The following ATP2B2 variants were observed in gnomAD, a reference collection of about 807,000 sequenced individuals.
The protein encoded by ATP2B2 is ATPase plasma membrane Ca2+ transporting 2.
A neutral mutation model predicts 120.0 loss-of-function variants in ATP2B2; 15 were observed. The observed-to-expected ratio is 0.12, with a 90% CI of 0.08 to 0.19. ATP2B2 has a LOEUF of 0.19. ATP2B2 is among the 10% of genes least tolerant of loss of function. The probability of loss-of-function intolerance (pLI) is 1.00; values close to 1 mark genes in which losing one functional copy is unlikely to be tolerated. For missense variants in ATP2B2, 1,045 were observed against 1,719.8 expected (o/e 0.61, Z 6.94); for synonymous variants, 694 against 700.3 (o/e 0.99, Z 0.14).
At chr3:10,482,933 C>T (rs1433748177) in intron 1 of ATP2B2, among the ~76,000 whole-genome samples, 2 of 152,222 alleles carry the variant, frequency 1.3e-5, no homozygotes, top group African/African-American at 2.4e-5. Flanking sequence ...AATGCTTCCT[C>T]CCACTGGACC....
At chr3:10,696,279 C>T (rs146611977) in intron 1 of ATP2B2, among the ~76,000 whole-genome samples, 32 of 152,278 alleles carry the variant, frequency 2.1e-4, no homozygotes, top group East Asian at 1.4e-3. Context: ...ACATGTTCTC[C>T]GGCATAATTG....
intron 1 of ATP2B2, among the ~76,000 whole-genome samples, chr3:10,646,041 C>T (rs1472654035): frequency 1.3e-5 from 2 of 152,168 alleles, no homozygotes; most frequent in Non-Finnish European, 2.9e-5. Context: ...CTATCACAGG[C>T]GACCTGAGAG....
chr3:10,485,302 T>C (rs2065599108), intron 1 of ATP2B2, among the ~76,000 whole-genome samples: 1 of 152,230 alleles, frequency 6.6e-6, no homozygotes, highest in South Asian at 2.1e-4. Flanking sequence ...CTGTGGAAAC[T>C]GAGGCTCAGA....
At chr3:10,356,867 C>A (rs2060746964) in intron 14 of ATP2B2, among the ~76,000 whole-genome samples, 3 of 152,184 alleles carry the variant, frequency 2.0e-5, no homozygotes. Flanking sequence ...GTGGGCTCCA[C>A]TGCCAAGCTC....
At chr3:10,463,390 G>A (rs1385230665) in intron 1 of ATP2B2, among the ~76,000 whole-genome samples, 1 of 152,202 alleles carries the variant, frequency 6.6e-6, no homozygotes, top group Non-Finnish European at 1.5e-5. Flanking sequence ...GCCTTTCAAA[G>A]CAGAAACTGG....
At chr3:10,701,646 A>G (rs1404104438) in intron 1 of ATP2B2, among the ~76,000 whole-genome samples, 1 of 149,054 alleles carries the variant, frequency 6.7e-6, no homozygotes, top group East Asian at 2.0e-4. Context: ...AAGACCCATC[A>G]TTTCTTTTGT....
In ATP2B2 at chr3:10,449,477, C is replaced by T. The variant is rs752261081; in HGVS notation, c.67G>A (p.Glu23Lys). ...AGCTCCTCCATTGTGCACCCGAACT[C>T]GCCCCCATGGCTCGACTCATTTCTT... is the stretch of plus-strand genomic sequence containing the variant. ...NQRNESSHGGEFGCTMEELRS... is the reference protein window; with the variant it reads ...NQRNESSHGGKFGCTMEELRS... Residue 23 changes from glutamate (E) to lysine (K), a missense_variant, in exon 2 of 23, where the codon GAG becomes AAG. By Grantham distance (56) the Glu-to-Lys change is moderately conservative. Around this residue, in one of 11 missense-constraint regions of ATP2B2, gnomAD observed 139 missense variants for 134.2 expected, o/e 1.04. Transcript: ENST00000360273. The T allele has an allele frequency of 9.9e-6, 16 of 1,614,132 alleles. No individual in the cohort carries two copies. The highest frequency in any genetic ancestry group is 6.7e-5 in the African/African-American group (5 of 74,944).
intron 2 of ATP2B2, among the ~76,000 whole-genome samples, chr3:10,537,837 AC>A: frequency 6.6e-6 from 1 of 152,124 alleles, no homozygotes; most frequent in East Asian, 1.9e-4. Context: ...CTCTATTCCT[AC>A]TTTTTCTGTG....
At position 10,379,093 on chromosome 3, in the gene ATP2B2, T is replaced by TCACAGC. The variant is rs1427273690; in HGVS notation, c.1042+144_1042+149dup. On this transcript the variant is annotated intron_variant, in intron 9 of 22. Coordinates refer to ENST00000360273, the MANE Select transcript of ATP2B2 (RefSeq NM_001001331.4). ...TTTATTTGGCCTGGCACCATGCAAA[T>TCACAGC]CACAGCTACACCCCCAAGGTCGTCA... The TCACAGC allele has an allele frequency of 6.3e-6, 6 of 957,466 alleles. No homozygotes were observed. In the East Asian group the frequency reaches 1.6e-4, roughly 25 times the overall value. The allele number at this position is 957,466 out of a possible 1,614,324, so 59.3% of individuals were successfully genotyped here.
chr3:10,596,671 C>T (rs764147799), intron 2 of ATP2B2, among the ~76,000 whole-genome samples: 2 of 152,332 alleles, frequency 1.3e-5, no homozygotes, highest in African/African-American at 4.8e-5. Context: ...AATTCCTTGG[C>T]GTTTGCTCCT....
At chr3:10,705,882 C>T (rs1304250449) in intron 1 of ATP2B2, among the ~76,000 whole-genome samples, 10 of 152,164 alleles carry the variant, frequency 6.6e-5, no homozygotes, top group Admixed American at 5.9e-4. Flanking sequence ...TTTTATTAAT[C>T]GTGCCCTCTC....
chr3:10,537,781 T>C (rs1269426675), intron 2 of ATP2B2, among the ~76,000 whole-genome samples: 1 of 152,220 alleles, frequency 6.6e-6, no homozygotes, highest in African/African-American at 2.4e-5. Context: ...TCAGTAAGTA[T>C]AACATAGTTT....
chr3:10,492,034 T>C (rs2065952155), intron 1 of ATP2B2, among the ~76,000 whole-genome samples: 1 of 152,234 alleles, frequency 6.6e-6, no homozygotes, highest in Admixed American at 6.5e-5. Context: ...GGAAAATTAT[T>C]CATTTTGCCA....
At chr3:10,559,394 T>C (rs972329804) in intron 2 of ATP2B2, among the ~76,000 whole-genome samples, 5 of 152,218 alleles carry the variant, frequency 3.3e-5, no homozygotes, top group Admixed American at 3.3e-4. Flanking sequence ...ATTTTGAATG[T>C]TCCCAACACA....
intron 2 of ATP2B2, among the ~76,000 whole-genome samples, chr3:10,422,380 A>G (rs960968744): frequency 6.6e-6 from 1 of 152,172 alleles, no homozygotes; most frequent in Admixed American, 6.5e-5. Flanking sequence ...ATGGTCTGCT[A>G]TCGTCTGGTG....
At chr3:10,336,450 G>C (rs982835703) in intron 22 of ATP2B2, 3 of 875,754 alleles carry the variant, frequency 3.4e-6, no homozygotes, top group Admixed American at 2.7e-5. Flanking sequence ...CACACTCCAA[G>C]GCTCTGAAAA....
chr3:10,653,265 T>A (rs1170651222), intron 1 of ATP2B2, among the ~76,000 whole-genome samples: 1 of 152,214 alleles, frequency 6.6e-6, no homozygotes, highest in Non-Finnish European at 1.5e-5. Context: ...CCTTTGCTTA[T>A]GTGAAAGCCA....
At chr3:10,644,414 T>C (rs990685796) in intron 1 of ATP2B2, among the ~76,000 whole-genome samples, 2 of 152,192 alleles carry the variant, frequency 1.3e-5, no homozygotes, top group African/African-American at 2.4e-5. Context: ...GCTAGGTATA[T>C]GCCAGAAAGA....
At chr3:10,503,268 G>A (rs1040568166) in intron 1 of ATP2B2, among the ~76,000 whole-genome samples, 1 of 152,238 alleles carries the variant, frequency 6.6e-6, no homozygotes, top group Non-Finnish European at 1.5e-5. Flanking sequence ...GCAGCGGGCT[G>A]GTTTCCTGAT....
Sources: gnomAD v4.1 joint callset for allele counts (sites outside exome capture counted in the v4.1 genomes callset) on GRCh38, gnomAD v4.1.1 for gene constraint, gnomAD v4.1.1 regional missense constraint, MANE v1.5 for transcripts, NCBI Gene and HGNC (gene_info 2026-07-23, HGNC 2026-07-21) for gene names.